Variants in PIK3C3 observed in about 807,000 individuals in gnomAD.
PIK3C3 encodes PI3-kinase type 3.
PIK3C3 carries 95 observed loss-of-function variants against 126.1 expected under a neutral mutation model. That is an observed-to-expected ratio of 0.75 (90% CI 0.64 to 0.89). PIK3C3 has a LOEUF of 0.89. PIK3C3 is among the 40% of genes least tolerant of loss of function. The pLI is 0.00. For missense variants in PIK3C3, 829 were observed against 1,063.2 expected (o/e 0.78, Z 3.06); for synonymous variants, 374 against 360.0 (o/e 1.04, Z -0.44).
At chr18:42,007,967 G>C (rs1982630306) in intron 10 of PIK3C3, among the ~76,000 whole-genome samples, 1 of 151,992 alleles carries the variant, frequency 6.6e-6, no homozygotes, top group Admixed American at 6.6e-5. Flanking sequence ...CCCTGTCTCT[G>C]TTTGTTCTTT....
intron 10 of PIK3C3, among the ~76,000 whole-genome samples, chr18:42,005,248 G>T (rs1982487934): frequency 6.6e-6 from 1 of 152,166 alleles, no homozygotes; most frequent in African/African-American, 2.4e-5. Flanking sequence ...TGTACTCCTA[G>T]GTTACAAACC....
intron 13 of PIK3C3, among the ~76,000 whole-genome samples, chr18:42,022,562 C>G (rs898355583): frequency 6.6e-6 from 1 of 152,086 alleles, no homozygotes; most frequent in African/African-American, 2.4e-5. Context: ...GTTCTCTTTA[C>G]AACAAAGAAA....
At chr18:42,079,543 T>G (rs1986159991) in intron 24 of PIK3C3, among the ~76,000 whole-genome samples, 1 of 151,384 alleles carries the variant, frequency 6.6e-6, no homozygotes, top group Non-Finnish European at 1.5e-5. Flanking sequence ...TCTGATAGAC[T>G]TGCGCAAGCA....
chr18:41,957,704 A>T lies in PIK3C3; in HGVS notation c.203A>T (p.Lys68Met), dbSNP rs1979857210. 6.2e-7 allele frequency: 1 copy of T among 1,613,814 alleles called. No individual in the cohort carries two copies. Among genetic ancestry groups the T allele is most frequent in the Non-Finnish European group, 8.5e-7 (1 of 1,179,912 alleles). Residue 68 changes from lysine to methionine, a missense_variant, in exon 2 of 25, where the codon AAG becomes ATG. Lys to Met is a moderately conservative substitution (Grantham distance 95). Around this residue, in one of 4 missense-constraint regions of PIK3C3, gnomAD observed 313 missense variants for 340.7 expected, o/e 0.92. Coordinates refer to ENST00000262039, the MANE Select transcript of PIK3C3 (RefSeq NM_002647.4). ...ACTTGTCAAGTTTTTGCAGAAGGGA[A>T]GCCTTTGGCCTTGCCAGTGAGAACA... ...YVTCQVFAEG[K>M]PLALPVRTSY... is the part of the protein sequence containing the mutation.
At chr18:42,017,917 G>T (rs184369474) in intron 12 of PIK3C3, among the ~76,000 whole-genome samples, 125 of 151,524 alleles carry the variant, frequency 8.2e-4, no homozygotes, top group African/African-American at 2.7e-3. Context: ...TGCCCCATTT[G>T]CTTTTATTGT....
intron 16 of PIK3C3, 61 bp downstream of exon 16, chr18:42,034,018 A>G (rs1983940909): frequency 4.1e-6 from 5 of 1,204,904 alleles, no homozygotes; most frequent in Non-Finnish European, 5.8e-6. Context: ...TAGATCAGAG[A>G]TACTACCTTG....
intron 20 of PIK3C3, among the ~76,000 whole-genome samples, chr18:42,046,333 A>G (rs973040727): frequency 1.3e-5 from 2 of 152,176 alleles, no homozygotes; most frequent in African/African-American, 4.8e-5. Flanking sequence ...GTGTAAGAAA[A>G]AAATTGATAA....
intron 9 of PIK3C3, among the ~76,000 whole-genome samples, chr18:41,997,426 C>G (rs1169039989): frequency 6.6e-6 from 1 of 152,026 alleles, no homozygotes; most frequent in Admixed American, 6.6e-5. Flanking sequence ...AACCTGAAGT[C>G]TTTGGACACT....
At chr18:42,024,542 T>C (rs549846879) in intron 13 of PIK3C3, among the ~76,000 whole-genome samples, 2 of 152,034 alleles carry the variant, frequency 1.3e-5, no homozygotes, top group East Asian at 3.9e-4. Context: ...TTCAATCAAT[T>C]CTCCTGCCTC....
chr18:42,034,021 C>G, intron 16 of PIK3C3, 64 bp downstream of exon 16: 2 of 1,177,536 alleles, frequency 1.7e-6, no homozygotes, highest in Non-Finnish European at 2.4e-6. Flanking sequence ...ATCAGAGATA[C>G]TACCTTGGAA....
At chr18:42,010,653 T>A (rs963403860) in intron 10 of PIK3C3, among the ~76,000 whole-genome samples, 9 of 152,090 alleles carry the variant, frequency 5.9e-5, no homozygotes, top group Non-Finnish European at 1.3e-4. Context: ...GGCACTGAAG[T>A]CGTCAGCCCC....
At chr18:42,072,665 A>G (rs1985824303) in intron 24 of PIK3C3, among the ~76,000 whole-genome samples, 1 of 151,956 alleles carries the variant, frequency 6.6e-6, no homozygotes, top group African/African-American at 2.4e-5. Flanking sequence ...CCTGGTAGCT[A>G]GGAGTACAGG....
Position 42,081,188 on chromosome 18 carries a change from G to C in PIK3C3, c.*51G>C, listed in dbSNP as rs1986236934. 5.9e-6 allele frequency: 8 copies of C among 1,357,536 alleles called. 1 individual carries two copies. Among genetic ancestry groups the C allele is most frequent in the Admixed American group, 1.8e-5 (1 of 56,032 alleles). The allele number at this position is 1,357,536 out of a possible 1,614,324, so 84.1% of individuals were successfully genotyped here. On this transcript the variant is annotated 3_prime_UTR_variant, in exon 25 of 25. Transcript: ENST00000262039. ...TTGGCTCAATAAGAAAACCACGTTAGGAGCAACCTTTGTATATTGGAGACT... is the reference window on the plus strand; with the variant it reads ...TTGGCTCAATAAGAAAACCACGTTACGAGCAACCTTTGTATATTGGAGACT...
At chr18:42,079,707 C>T (rs904900989) in intron 24 of PIK3C3, among the ~76,000 whole-genome samples, 1 of 151,904 alleles carries the variant, frequency 6.6e-6, no homozygotes, top group Non-Finnish European at 1.5e-5. Context: ...GACGCATACA[C>T]GTGTACATAT....
chr18:41,975,676 T>G (rs909825427), intron 4 of PIK3C3, among the ~76,000 whole-genome samples: 1 of 151,376 alleles, frequency 6.6e-6, no homozygotes, highest in African/African-American at 2.4e-5. Flanking sequence ...TTTTCTCAGT[T>G]TTGGGAAATC....
At chr18:42,038,882 T>G (rs1984180347) in intron 18 of PIK3C3, 32 bp downstream of exon 18, 1 of 1,312,634 alleles carries the variant, frequency 7.6e-7, no homozygotes, top group East Asian at 2.3e-5. Flanking sequence ...ATTATTTACT[T>G]TAGTGTACAT....
At chr18:41,976,916 G>A (rs554384135) in intron 4 of PIK3C3, among the ~76,000 whole-genome samples, 6 of 152,288 alleles carry the variant, frequency 3.9e-5, no homozygotes, top group African/African-American at 9.6e-5. Flanking sequence ...CTAAAACCAC[G>A]TCTTTAAATT....
At chr18:42,064,155 T>C (rs923408277) in intron 22 of PIK3C3, among the ~76,000 whole-genome samples, 6 of 152,230 alleles carry the variant, frequency 3.9e-5, no homozygotes. Flanking sequence ...GATATCATTA[T>C]TTAGATATCT....
At chr18:41,990,403 C>A in intron 5 of PIK3C3, 56 bp from the exon 6 acceptor site, 2 of 976,922 alleles carry the variant, frequency 2.0e-6, no homozygotes, top group Non-Finnish European at 3.3e-6. Flanking sequence ...ACATACTGAT[C>A]CTTTAAGAGA....
Sources: allele counts gnomAD v4.1 joint callset (sites outside exome capture counted in the v4.1 genomes callset), GRCh38; gene constraint gnomAD v4.1.1; regional missense constraint gnomAD v4.1.1; transcripts MANE v1.5; gene names NCBI Gene and HGNC (gene_info 2026-07-23, HGNC 2026-07-21).